RRN3: variants seen among roughly 807,000 people sequenced by gnomAD.
RRN3 encodes the protein RNA polymerase I transcription factor RRN3.
A neutral mutation model predicts 82.3 loss-of-function variants in RRN3; 38 were observed. That is an observed-to-expected ratio of 0.46 (90% CI 0.36 to 0.61). The LOEUF is 0.61. Ranked by LOEUF, RRN3 falls within the 20% of genes least tolerant of loss-of-function variation. The pLI, the probability that RRN3 is intolerant of heterozygous loss-of-function variation, is 0.00. For synonymous variants in RRN3, 284 were observed against 284.3 expected (o/e 1.00, Z 0.01); for missense variants, 726 against 793.1 (o/e 0.92, Z 1.02).
chr16:15,083,505 T>A lies in RRN3; in HGVS notation c.666+8A>T. 1 of 1,609,262 alleles carries A rather than the reference T, an allele frequency of 6.2e-7. No homozygotes were observed. ...TTCCATGATGTTCTCAATGAAAAGA[T>A]TTCTTACCAGTGTTCTCTCTGATTT... On this transcript the variant is annotated splice_region_variant and intron_variant, in intron 8 of 17. Transcript: ENST00000198767.
At position 15,070,273 on chromosome 16, in the gene RRN3, C is replaced by A. The variant is rs552895090; in HGVS notation, c.1260-19G>T. 1.6e-4 allele frequency: 251 copies of A among 1,611,440 alleles called. 4 individuals carry two copies. The East Asian group carries it at 5.5e-3, about 35-fold the overall frequency. ...TACAGTACTAGAGAAAAGAAAAATTCAAGTCAACTTTACACATCATAAAAA... is the reference window on the plus strand; with the variant it reads ...TACAGTACTAGAGAAAAGAAAAATTAAAGTCAACTTTACACATCATAAAAA... On this transcript the variant is annotated intron_variant, in intron 13 of 17. Coordinates refer to ENST00000198767, the MANE Select transcript of RRN3 (RefSeq NM_018427.5).
intron 7 of RRN3, among the ~76,000 whole-genome samples, chr16:15,083,943 C>T (rs954963768): frequency 2.0e-5 from 3 of 152,194 alleles, no homozygotes; most frequent in African/African-American, 2.4e-5. Flanking sequence ...CTCGAACTCC[C>T]GACCTCAGGT....
intron 11 of RRN3, among the ~76,000 whole-genome samples, chr16:15,073,866 C>T (rs2151784038): frequency 6.6e-6 from 1 of 152,188 alleles, no homozygotes; most frequent in Admixed American, 6.5e-5. Flanking sequence ...CAGTGATCCT[C>T]CCACCTTGGC....
In RRN3 at chr16:15,061,660, G is replaced by C. The variant is rs1489784258; in HGVS notation, c.*84C>G. 1 of 1,346,484 alleles carries C rather than the reference G, an allele frequency of 7.4e-7. No individual in the cohort carries two copies. Among genetic ancestry groups the C allele is most frequent in the African/African-American group, 1.4e-5 (1 of 69,706 alleles). The allele number at this position is 1,346,484 out of a possible 1,614,324, so 83.4% of individuals were successfully genotyped here. Reference sequence around the variant, plus strand: ...CTCGCTCTAGTTCAATGCCATCAATGCCCAATGGCACAAGCTGGGTGCTGA... The same window carrying C: ...CTCGCTCTAGTTCAATGCCATCAATCCCCAATGGCACAAGCTGGGTGCTGA... On this transcript the variant is annotated 3_prime_UTR_variant, in exon 18 of 18. Coordinates refer to ENST00000198767, the MANE Select transcript of RRN3 (RefSeq NM_018427.5).
intron 6 of RRN3, among the ~76,000 whole-genome samples, chr16:15,085,034 C>G (rs921009594): frequency 3.1e-4 from 47 of 152,222 alleles, no homozygotes; most frequent in African/African-American, 1.1e-3. Flanking sequence ...CCACTATACT[C>G]CAGCCTGGGC....
At chr16:15,093,187 T>G (rs2046208237) in intron 1 of RRN3, among the ~76,000 whole-genome samples, 1 of 152,170 alleles carries the variant, frequency 6.6e-6, no homozygotes, top group Non-Finnish European at 1.5e-5. Context: ...GTATTTTCAG[T>G]AGAGACGAGG....
intron 3 of RRN3, among the ~76,000 whole-genome samples, chr16:15,088,061 A>G (rs1364189272): frequency 6.6e-6 from 1 of 152,146 alleles, no homozygotes; most frequent in Admixed American, 6.6e-5. Flanking sequence ...GGTTGCAGTG[A>G]GCCAAGATCA....
chr16:15,088,344 G>A (rs1161903911), intron 3 of RRN3, among the ~76,000 whole-genome samples: 5 of 152,010 alleles, frequency 3.3e-5, no homozygotes, highest in Admixed American at 6.6e-5. Flanking sequence ...GCACATGCTT[G>A]TGGTCCCAGA....
At chr16:15,076,219 A>G (rs537305455) in intron 10 of RRN3, among the ~76,000 whole-genome samples, 79 of 152,214 alleles carry the variant, frequency 5.2e-4, no homozygotes, top group Admixed American at 9.2e-4. Flanking sequence ...GTAATGCTAT[A>G]AAGTGTACAA....
rs1205956972 is a variant in RRN3 at position 15,060,553 on chromosome 16, T to C, written c.*1191A>G. The C allele has an allele frequency of 6.5e-6, 1 of 153,730 alleles. No individual in the cohort carries two copies. Among genetic ancestry groups the C allele is most frequent in the African/African-American group, 2.4e-5 (1 of 41,460 alleles). 9.5% of individuals were successfully genotyped at this position (153,730 alleles called of 1,614,324 possible). On this transcript the variant is annotated 3_prime_UTR_variant, in exon 18 of 18. Coordinates refer to ENST00000198767, the MANE Select transcript of RRN3 (RefSeq NM_018427.5). ...TAAATATGCTTAAAGATGGCCATTT[T>C]CACAAGTAAACAAAAAAGTACACAT...
chr16:15,081,150 G>A (rs1042985878), intron 8 of RRN3, among the ~76,000 whole-genome samples: 1 of 152,146 alleles, frequency 6.6e-6, no homozygotes, highest in Non-Finnish European at 1.5e-5. Context: ...TCTACTTGAG[G>A]CTATTATGGA....
chr16:15,077,638 G>C (rs568466755), intron 9 of RRN3, among the ~76,000 whole-genome samples: 1 of 152,260 alleles, frequency 6.6e-6, no homozygotes, highest in African/African-American at 2.4e-5. Context: ...TCAGGAGATT[G>C]AGACCATCCT....
chr16:15,088,133 A>C (rs553585672), intron 3 of RRN3, among the ~76,000 whole-genome samples: 10 of 151,976 alleles, frequency 6.6e-5, no homozygotes, highest in Non-Finnish European at 4.4e-5. Context: ...AAAAAAAAAA[A>C]GTAAATCAGT....
In RRN3 at chr16:15,073,100, T is replaced by A. The variant is rs767380006; in HGVS notation, c.998-20A>T. 7 of 1,602,058 alleles carry A rather than the reference T, an allele frequency of 4.4e-6. No individual in the cohort carries two copies. In the Admixed American group the frequency reaches 1.3e-4, roughly 29 times the overall value. On this transcript the variant is annotated intron_variant, in intron 11 of 17. Coordinates refer to ENST00000198767, the MANE Select transcript of RRN3 (RefSeq NM_018427.5). ...CCTTACCTATGGAGAAAATCTGGCATCTCAGTTTTTATAAAGACATATTTT... is the reference window on the plus strand; with the variant it reads ...CCTTACCTATGGAGAAAATCTGGCAACTCAGTTTTTATAAAGACATATTTT...
At chr16:15,083,739 G>A (rs184110233) in intron 7 of RRN3, 157 bp from the exon 8 acceptor site, 11 of 989,648 alleles carry the variant, frequency 1.1e-5, no homozygotes, top group South Asian at 3.2e-5. Flanking sequence ...TTTTTGAGAC[G>A]GAGTTTCGCT....
chr16:15,076,602 G>A lies in RRN3; in HGVS notation c.814C>T (p.Gln272Ter). The A allele has an allele frequency of 6.2e-7, 1 of 1,613,448 alleles. No homozygotes were observed. The highest frequency in any genetic ancestry group is 8.5e-7 in the Non-Finnish European group (1 of 1,179,466). Residue 272 changes from glutamine (Q) to a stop codon, truncating the protein, a stop_gained, in exon 10 of 18, where the codon CAA (glutamine) becomes TAA (stop). Coordinates refer to ENST00000198767, the MANE Select transcript of RRN3 (RefSeq NM_018427.5). LOFTEE classifies it high-confidence loss of function. ...GTGGAATCTGTCCCACCACAAGTTT[G>A]AGTTGCTGTTTCTTCAGCATCTTCA... is the stretch of plus-strand genomic sequence containing the variant. Reference protein sequence around the residue: ...GIEDAEETATQTCGGTDSTEG... With the variant: ...GIEDAEETAT
At chr16:15,080,703 T>C (rs2045661118) in intron 8 of RRN3, among the ~76,000 whole-genome samples, 1 of 152,198 alleles carries the variant, frequency 6.6e-6, no homozygotes, top group Admixed American at 6.5e-5. Flanking sequence ...ATTATGGGCA[T>C]AAGCCACTGC....
rs1363558307 is a variant in RRN3 at position 15,092,631 on chromosome 16, A to C, written c.90-17T>G. The C allele has an allele frequency of 7.0e-7, 1 of 1,424,422 alleles. No individual in the cohort carries two copies. Among genetic ancestry groups the C allele is most frequent in the Admixed American group, 1.7e-5 (1 of 58,966 alleles). 88.2% of individuals were successfully genotyped at this position (1,424,422 alleles called of 1,614,324 possible). ...TTTGAAATCCTGTGGAACCAAGATT[A>C]ACAAGCTATTAAGTTCATGAAAATA... On this transcript the variant is annotated splice_polypyrimidine_tract_variant and intron_variant, in intron 1 of 17. Coordinates refer to ENST00000198767, the MANE Select transcript of RRN3 (RefSeq NM_018427.5).
In RRN3 at chr16:15,063,017, A is replaced by C. The variant is rs561249779; in HGVS notation, c.1794+179T>G. Among the ~76,000 whole-genome samples, 3 of 152,268 alleles carry C rather than the reference A, an allele frequency of 2.0e-5. No homozygotes were observed. In the East Asian group the frequency reaches 5.8e-4, roughly 29 times the overall value. On this transcript the variant is annotated intron_variant, in intron 17 of 17. Transcript: ENST00000198767. The stretch of plus-strand genomic sequence containing the variant: ...CACCACCACGCCCAGCTAATTAAAA[A>C]AATTTTTGTAGAAACAGGGTGTCAC...
Sources: gnomAD v4.1 joint callset for allele counts (sites outside exome capture counted in the v4.1 genomes callset) on GRCh38, gnomAD v4.1.1 for gene constraint, MANE v1.5 for transcripts, NCBI Gene and HGNC (gene_info 2026-07-23, HGNC 2026-07-21) for gene names.